The following KLHL1 variants were observed in gnomAD, a reference collection of about 807,000 sequenced individuals.
KLHL1 encodes kelch-like protein 1.
In KLHL1, 47 loss-of-function variants were observed where a neutral mutation model predicts 77.7. The observed-to-expected ratio is 0.60, with a 90% CI of 0.48 to 0.77. The LOEUF is 0.77. Among genes scored for constraint, KLHL1 ranks in the 30% least tolerant of loss-of-function variants. KLHL1 has a pLI of 0.00. For missense variants in KLHL1, 925 were observed against 910.8 expected (o/e 1.02, Z -0.20); for synonymous variants, 360 against 325.2 (o/e 1.11, Z -1.15).
chr13:69,777,924 A>G (rs904493363), intron 7 of KLHL1, among the ~76,000 whole-genome samples: 1 of 152,136 alleles, frequency 6.6e-6, no homozygotes, highest in Non-Finnish European at 1.5e-5. Context: ...GAATAACTTA[A>G]CAAGTAAACA....
chr13:69,724,239 T>C (rs1873199227), intron 8 of KLHL1, among the ~76,000 whole-genome samples: 2 of 152,068 alleles, frequency 1.3e-5, no homozygotes, highest in South Asian at 4.1e-4. Context: ...TTGCATGTAA[T>C]GGTTGATGTA....
chr13:69,847,601 C>T (rs2113362), intron 5 of KLHL1, among the ~76,000 whole-genome samples: 141,474 of 151,356 alleles, frequency 0.93, 66,342 homozygotes, highest in East Asian at 0.99. Context: ...TCTTCTAAAA[C>T]TATATCCTTG....
intron 4 of KLHL1, 114 bp downstream of exon 4, chr13:69,939,926 A>G (rs1883315057): frequency 1.4e-6 from 1 of 703,602 alleles, no homozygotes; most frequent in Admixed American, 3.6e-5. Context: ...AAATGTGCCA[A>G]GCATAGAAAA....
At chr13:69,910,254 G>C (rs1882193349) in intron 4 of KLHL1, among the ~76,000 whole-genome samples, 1 of 151,892 alleles carries the variant, frequency 6.6e-6, no homozygotes, top group Non-Finnish European at 1.5e-5. Context: ...TATTTAAAAT[G>C]TATTAAATAA....
chr13:70,015,650 T>C (rs865956405), intron 1 of KLHL1, among the ~76,000 whole-genome samples: 5 of 150,766 alleles, frequency 3.3e-5, no homozygotes, highest in Admixed American at 1.3e-4. Flanking sequence ...GGCTTTATGC[T>C]GGATGATTTT....
At chr13:69,907,820 A>AGGATGCAG (rs1385222871) in intron 4 of KLHL1, among the ~76,000 whole-genome samples, 1 of 152,080 alleles carries the variant, frequency 6.6e-6, no homozygotes, top group Non-Finnish European at 1.5e-5. Flanking sequence ...GACTATTAGC[A>AGGATGCAG]GGATGCAGGA....
chr13:70,071,143 A>G (rs1887128847), intron 1 of KLHL1, among the ~76,000 whole-genome samples: 1 of 152,092 alleles, frequency 6.6e-6, no homozygotes, highest in Admixed American at 6.6e-5. Context: ...ATTAATAAAT[A>G]AAATAAATCC....
chr13:70,026,299 A>C (rs1885938973), intron 1 of KLHL1, among the ~76,000 whole-genome samples: 1 of 152,136 alleles, frequency 6.6e-6, no homozygotes, highest in Admixed American at 6.6e-5. Context: ...TATAAAATTA[A>C]TACTACTGTA....
At chr13:69,989,010 C>T (rs780970746) in intron 1 of KLHL1, among the ~76,000 whole-genome samples, 3 of 151,942 alleles carry the variant, frequency 2.0e-5, no homozygotes, top group Non-Finnish European at 2.9e-5. Context: ...TTGCTTTTAG[C>T]ATTTTAACGA....
chr13:69,940,584 A>C (rs1883333860), intron 3 of KLHL1, among the ~76,000 whole-genome samples: 1 of 152,088 alleles, frequency 6.6e-6, no homozygotes, highest in Non-Finnish European at 1.5e-5. Flanking sequence ...AGATTCTCTA[A>C]GTATCTGACA....
At chr13:69,861,345 A>T (rs982760892) in intron 5 of KLHL1, among the ~76,000 whole-genome samples, 1 of 152,000 alleles carries the variant, frequency 6.6e-6, no homozygotes, top group Admixed American at 6.6e-5. Flanking sequence ...TAGATACTTT[A>T]TATGTCTATG....
At chr13:70,029,333 A>G (rs1039728184) in intron 1 of KLHL1, among the ~76,000 whole-genome samples, 1 of 152,198 alleles carries the variant, frequency 6.6e-6, no homozygotes, top group Non-Finnish European at 1.5e-5. Flanking sequence ...TGTAGAATAT[A>G]GTATTGCTAA....
intron 6 of KLHL1, among the ~76,000 whole-genome samples, chr13:69,811,932 T>C (rs1354772532): frequency 6.6e-6 from 1 of 152,198 alleles, no homozygotes; most frequent in Non-Finnish European, 1.5e-5. Context: ...AGTTATTTCT[T>C]GCCTTCTGCT....
At chr13:69,844,999 C>T (rs1011593135) in intron 5 of KLHL1, among the ~76,000 whole-genome samples, 2 of 151,588 alleles carry the variant, frequency 1.3e-5, no homozygotes, top group Non-Finnish European at 3.0e-5. Context: ...TCTGTGAACC[C>T]ACAAAAATAG....
At chr13:69,970,534 C>T (rs923105086) in intron 2 of KLHL1, among the ~76,000 whole-genome samples, 7 of 152,062 alleles carry the variant, frequency 4.6e-5, no homozygotes, top group Admixed American at 6.6e-5. Flanking sequence ...CTCCTTTTTT[C>T]AGGAACTGGA....
chr13:70,067,920 T>C (rs911136912), intron 1 of KLHL1, among the ~76,000 whole-genome samples: 111 of 152,070 alleles, frequency 7.3e-4, no homozygotes, highest in Non-Finnish European at 1.8e-4. Flanking sequence ...AATTATCACC[T>C]CACAAAGTCT....
chr13:69,703,493 GA>G (rs537071559), intron 10 of KLHL1, among the ~76,000 whole-genome samples: 193 of 150,776 alleles, frequency 1.3e-3, no homozygotes, highest in Non-Finnish European at 2.3e-3. Context: ...TATTATTAAA[GA>G]AAGAAAAATA....
chr13:69,854,692 C>A (rs61963756), intron 5 of KLHL1, among the ~76,000 whole-genome samples: 24,091 of 151,942 alleles, frequency 0.16, 2,041 homozygotes, highest in East Asian at 0.25. Context: ...ATGCCATTTG[C>A]ATTTATGAGT....
At chr13:69,796,593 T>C in intron 7 of KLHL1, 145 bp downstream of exon 7, 1 of 661,384 alleles carries the variant, frequency 1.5e-6, no homozygotes, top group Non-Finnish European at 2.5e-6. Flanking sequence ...AGCCAAGAAA[T>C]TTTTCTATGT....
Sources: gnomAD v4.1 joint callset for allele counts (sites outside exome capture counted in the v4.1 genomes callset) on GRCh38, gnomAD v4.1.1 for gene constraint, MANE v1.5 for transcripts, NCBI Gene and HGNC (gene_info 2026-07-23, HGNC 2026-07-21) for gene names.